SLC25A12: variants seen among roughly 807,000 people sequenced by gnomAD.
SLC25A12 encodes solute carrier family 25 member 12.
In SLC25A12, 32 loss-of-function variants were observed where a neutral mutation model predicts 83.3. The observed-to-expected ratio is 0.38, with a 90% confidence interval of 0.29 to 0.52. SLC25A12 has a LOEUF of 0.52. Ranked by LOEUF, SLC25A12 falls within the 20% of genes least tolerant of loss-of-function variation. The probability of loss-of-function intolerance (pLI) is 0.84; values close to 1 mark genes in which losing one functional copy is unlikely to be tolerated. For missense variants in SLC25A12, 611 were observed against 835.6 expected (o/e 0.73, Z 3.31); for synonymous variants, 267 against 291.1 (o/e 0.92, Z 0.84).
At chr2:171,791,705 T>G (rs1683465332) in intron 14 of SLC25A12, 116 bp from the exon 15 acceptor site, 1 of 958,846 alleles carries the variant, frequency 1.0e-6, no homozygotes, top group African/African-American at 1.6e-5. Flanking sequence ...GTGACAAGCC[T>G]GAGGTGTCCC....
intron 2 of SLC25A12, among the ~76,000 whole-genome samples, chr2:171,888,425 T>C (rs181300838): frequency 6.6e-6 from 1 of 151,248 alleles, no homozygotes; most frequent in Non-Finnish European, 1.5e-5. Context: ...CAAATAAAAA[T>C]ATATATATAT....
Position 171,793,821 on chromosome 2 carries a change from G to A in SLC25A12, c.1306-54C>T, listed in dbSNP as rs1041292086. On this transcript the variant is annotated intron_variant, in intron 13 of 17. Transcript: ENST00000422440. ...ATTCCACATCAGAGCCCGACTGGCA[G>A]CGTAAAAAAGGAAAATCCAGCAAAG... is the stretch of plus-strand genomic sequence containing the variant. 27 of 1,606,282 alleles carry A rather than the reference G, an allele frequency of 1.7e-5. No homozygotes were observed. In the South Asian group the frequency reaches 2.5e-4, roughly 15 times the overall value.
chr2:171,884,493 C>A (rs1038791833), intron 2 of SLC25A12, among the ~76,000 whole-genome samples: 1 of 149,090 alleles, frequency 6.7e-6, no homozygotes, highest in Non-Finnish European at 1.5e-5. Flanking sequence ...AGGCTGGGCA[C>A]GGATGGTGGC....
chr2:171,871,687 C>T (rs1394717073), intron 2 of SLC25A12: 1 of 982,632 alleles, frequency 1.0e-6, no homozygotes, highest in Admixed American at 6.2e-5. Context: ...CTCTCCTCCA[C>T]TCACCTTCCA....
chr2:171,840,160 T>C (rs1461341461), intron 5 of SLC25A12, among the ~76,000 whole-genome samples: 3 of 152,118 alleles, frequency 2.0e-5, no homozygotes, highest in African/African-American at 7.2e-5. Flanking sequence ...AATTTTTCCC[T>C]GATTCCCTAA....
chr2:171,811,815 C>G (rs1683950835), intron 11 of SLC25A12, among the ~76,000 whole-genome samples: 1 of 152,156 alleles, frequency 6.6e-6, no homozygotes, highest in Non-Finnish European at 1.5e-5. Flanking sequence ...GAAGGCTAAA[C>G]TATGCAGTAA....
intron 2 of SLC25A12, among the ~76,000 whole-genome samples, chr2:171,880,271 A>G (rs1685663062): frequency 6.6e-6 from 1 of 151,470 alleles, no homozygotes; most frequent in African/African-American, 2.4e-5. Flanking sequence ...ACTTTTTAAA[A>G]AATAATTTCA....
chr2:171,806,067 C>T (rs946137776), intron 13 of SLC25A12, among the ~76,000 whole-genome samples: 1 of 152,098 alleles, frequency 6.6e-6, no homozygotes, highest in South Asian at 2.1e-4. Flanking sequence ...GAGCTGAGAT[C>T]GCACCACGCC....
intron 13 of SLC25A12, 87 bp downstream of exon 13, chr2:171,809,519 G>T: frequency 9.9e-7 from 1 of 1,009,560 alleles, no homozygotes; most frequent in Non-Finnish European, 1.6e-6. Context: ...GAGTTCAAGA[G>T]AAATGCCACT....
chr2:171,809,813 G>A, intron 12 of SLC25A12, 127 bp from the exon 13 acceptor site: 2 of 759,202 alleles, frequency 2.6e-6, no homozygotes, highest in Non-Finnish European at 4.7e-6. Flanking sequence ...ATGCTTACAT[G>A]TAAAATTAAA....
chr2:171,837,714 A>C (rs1684587504), intron 5 of SLC25A12, among the ~76,000 whole-genome samples: 2 of 152,198 alleles, frequency 1.3e-5, no homozygotes, highest in South Asian at 4.1e-4. Context: ...GTTGCAATCA[A>C]AGTCTCTCTC....
intron 9 of SLC25A12, among the ~76,000 whole-genome samples, chr2:171,825,091 A>G (rs1684274389): frequency 6.6e-6 from 1 of 152,032 alleles, no homozygotes; most frequent in Non-Finnish European, 1.5e-5. Flanking sequence ...TTACAGGCAT[A>G]AGCCACTGTA....
At chr2:171,834,634 G>T in intron 7 of SLC25A12, 93 bp downstream of exon 7, 1 of 1,378,992 alleles carries the variant, frequency 7.3e-7, no homozygotes, top group Non-Finnish European at 1.0e-6. Context: ...TCTAGATCTG[G>T]CTTTAGAGTG....
chr2:171,859,262 T>C (rs1040271208), intron 3 of SLC25A12, among the ~76,000 whole-genome samples: 1 of 152,190 alleles, frequency 6.6e-6, no homozygotes, highest in African/African-American at 2.4e-5. Flanking sequence ...TCACGAGATA[T>C]ATATTCAGAT....
intron 2 of SLC25A12, among the ~76,000 whole-genome samples, chr2:171,880,222 G>C (rs547459815): frequency 6.6e-6 from 1 of 152,170 alleles, no homozygotes; most frequent in South Asian, 2.1e-4. Flanking sequence ...TTTTTTGTAT[G>C]AATTTTAAAG....
intron 13 of SLC25A12, among the ~76,000 whole-genome samples, chr2:171,798,151 G>T (rs935460322): frequency 6.6e-6 from 1 of 152,158 alleles, no homozygotes; most frequent in African/African-American, 2.4e-5. Flanking sequence ...GAAATGGAAA[G>T]AATAAAAAAC....
chr2:171,843,090 G>A (rs774670855), intron 5 of SLC25A12, among the ~76,000 whole-genome samples: 50 of 151,936 alleles, frequency 3.3e-4, no homozygotes, highest in Admixed American at 4.6e-4. Context: ...CAAAGTGCTG[G>A]GATTACAGGC....
chr2:171,844,548 A>G lies in SLC25A12; in HGVS notation c.326-40T>C, dbSNP rs761955185. ...CAAAAATAAATCAATTATATCTGGA[A>G]TAAGTAGTTTAAACCACTGCAATGT... On this transcript the variant is annotated intron_variant, in intron 4 of 17. Transcript: ENST00000422440. The G allele has an allele frequency of 2.1e-6, 3 of 1,406,984 alleles. No individual in the cohort carries two copies. The Admixed American group carries it at 5.1e-5, about 24-fold the overall frequency. 87.2% of individuals were successfully genotyped at this position (1,406,984 alleles called of 1,614,324 possible).
At chr2:171,849,509 T>G (rs993759206) in intron 4 of SLC25A12, among the ~76,000 whole-genome samples, 11 of 142,882 alleles carry the variant, frequency 7.7e-5, no homozygotes, top group Non-Finnish European at 1.5e-4. Flanking sequence ...TTTCATTTCT[T>G]TTTATGAAAG....
Sources: gnomAD v4.1 joint callset for allele counts (sites outside exome capture counted in the v4.1 genomes callset) on GRCh38, gnomAD v4.1.1 for gene constraint, MANE v1.5 for transcripts, NCBI Gene and HGNC (gene_info 2026-07-23, HGNC 2026-07-21) for gene names.